Variants in KCNAB1 observed in about 807,000 individuals in gnomAD.
KCNAB1 encodes voltage-gated potassium channel subunit beta-1.
Under a neutral mutation model 64.6 loss-of-function variants are expected in KCNAB1, and 35 were observed. The observed-to-expected ratio is 0.54, with a 90% CI of 0.41 to 0.72. KCNAB1 has a LOEUF of 0.72. KCNAB1 is among the 30% of genes least tolerant of loss of function. The probability of loss-of-function intolerance (pLI) is 0.00; values close to 1 mark genes in which losing one functional copy is unlikely to be tolerated. For synonymous variants in KCNAB1, 177 were observed against 183.8 expected, an observed-to-expected ratio of 0.96 and a Z score of 0.30; for missense variants, 401 against 512.9, an observed-to-expected ratio of 0.78 and a Z score of 2.11.
chr3:156,400,914 A>C (rs1250678647), intron 1 of KCNAB1, among the ~76,000 whole-genome samples: 1 of 152,156 alleles, frequency 6.6e-6, no homozygotes, highest in Non-Finnish European at 1.5e-5. Flanking sequence ...TCATAGAATG[A>C]TGTTTATTTA....
At chr3:156,122,008 TA>T (rs2108251463) in intron 1 of KCNAB1, among the ~76,000 whole-genome samples, 1 of 152,356 alleles carries the variant, frequency 6.6e-6, no homozygotes, top group Admixed American at 6.5e-5. Flanking sequence ...AATAAATAGA[TA>T]TTTTAAAACC....
chr3:156,296,180 C>T (rs1318753742), intron 1 of KCNAB1, among the ~76,000 whole-genome samples: 3 of 152,180 alleles, frequency 2.0e-5, no homozygotes, highest in African/African-American at 7.2e-5. Flanking sequence ...ATGAATCTTT[C>T]ATCCTAAGAA....
intron 1 of KCNAB1, among the ~76,000 whole-genome samples, chr3:156,248,006 A>G (rs533288008): frequency 3.3e-5 from 5 of 152,296 alleles, no homozygotes; most frequent in African/African-American, 9.6e-5. Flanking sequence ...CTCAACAAAT[A>G]TCTTCTGAAT....
At chr3:156,165,212 A>C (rs1394612665) in intron 1 of KCNAB1, among the ~76,000 whole-genome samples, 1 of 129,918 alleles carries the variant, frequency 7.7e-6, no homozygotes, top group Non-Finnish European at 1.6e-5. Context: ...CGGGAGGCGG[A>C]GCTTGCAGTG....
intron 12 of KCNAB1, among the ~76,000 whole-genome samples, chr3:156,530,950 G>C (rs1365029327): frequency 6.6e-6 from 1 of 152,130 alleles, no homozygotes; most frequent in African/African-American, 2.4e-5. Context: ...TTCTAGGGTG[G>C]GTAGCTTGAA....
At chr3:156,532,783 C>A (rs1718792420) in intron 13 of KCNAB1, among the ~76,000 whole-genome samples, 1 of 152,160 alleles carries the variant, frequency 6.6e-6, no homozygotes, top group African/African-American at 2.4e-5. Flanking sequence ...CTCTTATGTT[C>A]ATTTATGCTC....
At chr3:156,444,190 G>A (rs16826172) in intron 2 of KCNAB1, among the ~76,000 whole-genome samples, 1,778 of 152,294 alleles carry the variant, frequency 0.012, 16 homozygotes, top group South Asian at 0.03. Flanking sequence ...AAAAGAACAC[G>A]TCCAAGCACC....
intron 1 of KCNAB1, among the ~76,000 whole-genome samples, chr3:156,337,471 TTCC>T (rs1723791097): frequency 6.6e-6 from 1 of 152,184 alleles, no homozygotes. Flanking sequence ...CTTCTTCTTC[TTCC>T]TCCTCCTCCT....
intron 1 of KCNAB1, among the ~76,000 whole-genome samples, chr3:156,371,012 T>C (rs1041631849): frequency 1.3e-5 from 2 of 152,224 alleles, no homozygotes; most frequent in African/African-American, 4.8e-5. Flanking sequence ...TGGATGGTCC[T>C]GTGTTCCATG....
intron 1 of KCNAB1, among the ~76,000 whole-genome samples, chr3:156,185,920 C>T (rs1713161324): frequency 6.6e-6 from 1 of 152,190 alleles, no homozygotes; most frequent in Non-Finnish European, 1.5e-5. Context: ...TATAACTAAA[C>T]ACATATAGGC....
At chr3:156,460,355 C>G (rs769254704) in intron 5 of KCNAB1, 1 of 153,892 alleles carries the variant, frequency 6.5e-6, no homozygotes, top group Non-Finnish European at 1.4e-5. Flanking sequence ...CTCCTGTGTG[C>G]CCAGGAACCC....
chr3:156,291,950 C>T (rs747459146), intron 1 of KCNAB1: 2 of 1,613,970 alleles, frequency 1.2e-6, no homozygotes, highest in Non-Finnish European at 1.7e-6. Context: ...TTTGAAGAGT[C>T]GGAATGGTGA....
intron 1 of KCNAB1, among the ~76,000 whole-genome samples, chr3:156,362,748 C>G (rs1290452295): frequency 6.6e-6 from 1 of 152,052 alleles, no homozygotes. Context: ...TTCTCTAGAC[C>G]ATTACACTTA....
At chr3:156,468,386 T>C (rs1559900457) in intron 7 of KCNAB1, among the ~76,000 whole-genome samples, 2 of 152,194 alleles carry the variant, frequency 1.3e-5, no homozygotes, top group Non-Finnish European at 1.5e-5. Flanking sequence ...TATGCCATAA[T>C]AATTAAATCA....
At chr3:156,179,453 C>G (rs1049824207) in intron 1 of KCNAB1, among the ~76,000 whole-genome samples, 13 of 126,880 alleles carry the variant, frequency 1.0e-4, no homozygotes, top group Non-Finnish European at 1.6e-4. Flanking sequence ...GCGTTCTTCC[C>G]CCGCGTTCTT....
At chr3:156,253,675 G>A (rs2108468437) in intron 1 of KCNAB1, among the ~76,000 whole-genome samples, 1 of 152,328 alleles carries the variant, frequency 6.6e-6, no homozygotes, top group South Asian at 2.1e-4. Context: ...CTGAACCTAA[G>A]AGTGAAACTT....
intron 8 of KCNAB1, among the ~76,000 whole-genome samples, chr3:156,488,580 C>G (rs1174062795): frequency 1.3e-5 from 2 of 152,044 alleles, no homozygotes; most frequent in Non-Finnish European, 2.9e-5. Flanking sequence ...TAAGTGAGGC[C>G]AGATCTTTGG....
At chr3:156,279,534 G>A (rs1465054872) in intron 1 of KCNAB1, among the ~76,000 whole-genome samples, 4 of 151,798 alleles carry the variant, frequency 2.6e-5, no homozygotes, top group East Asian at 3.9e-4. Context: ...TCCCTGAGGA[G>A]TCGCCACACT....
At chr3:156,520,836 A>G (rs1717896181) in intron 11 of KCNAB1, among the ~76,000 whole-genome samples, 2 of 152,242 alleles carry the variant, frequency 1.3e-5, no homozygotes. Context: ...TAAAATAGTC[A>G]ACGATCTTGG....
Sources: allele counts gnomAD v4.1 joint callset (sites outside exome capture counted in the v4.1 genomes callset), GRCh38; gene constraint gnomAD v4.1.1; transcripts MANE v1.5; gene names NCBI Gene and HGNC (gene_info 2026-07-23, HGNC 2026-07-21).